Variants in ARHGAP22 observed in about 807,000 individuals in gnomAD.
ARHGAP22 encodes Rho GTPase activating protein 22, also known as rho GTPase-activating protein 22.
A neutral mutation model predicts 59.1 loss-of-function variants in ARHGAP22; 48 were observed. The observed-to-expected ratio is 0.81, with a 90% CI of 0.64 to 1.03. ARHGAP22 has a LOEUF of 1.03. Among genes scored for constraint, ARHGAP22 ranks in the 50% least tolerant of loss-of-function variants. The probability of loss-of-function intolerance (pLI) is 0.00; values close to 1 mark genes in which losing one functional copy is unlikely to be tolerated. For synonymous variants in ARHGAP22, 445 were observed against 416.4 expected (o/e 1.07, Z -0.84); for missense variants, 1,015 against 958.7 (o/e 1.06, Z -0.78).
intron 1 of ARHGAP22, among the ~76,000 whole-genome samples, chr10:48,583,998 TC>T (rs2059275085): frequency 6.6e-6 from 1 of 151,580 alleles, no homozygotes; most frequent in Non-Finnish European, 1.5e-5. Context: ...CCCTACTCCT[TC>T]CCCTTCTGTC....
chr10:48,442,168 A>G (rs952580531), downstream of ARHGAP22, among the ~76,000 whole-genome samples: 3 of 152,196 alleles, frequency 2.0e-5, no homozygotes, highest in Non-Finnish European at 4.4e-5. Flanking sequence ...AAATACCCAC[A>G]TAGCATCCTG....
chr10:48,454,225 G>A (rs1352891741), intron 6 of ARHGAP22, 64 bp from the exon 7 acceptor site: 26 of 1,442,710 alleles, frequency 1.8e-5, no homozygotes, highest in African/African-American at 8.4e-5. Context: ...CTCTGACTGC[G>A]AGGAGGGGTG....
intron 3 of ARHGAP22, among the ~76,000 whole-genome samples, chr10:48,506,153 C>G (rs1383944173): frequency 1.3e-5 from 2 of 152,194 alleles, no homozygotes; most frequent in African/African-American, 2.4e-5. Context: ...CTTTTTCACT[C>G]AAGTTCTTTA....
intron 1 of ARHGAP22, among the ~76,000 whole-genome samples, chr10:48,639,660 T>G (rs1415102935): frequency 6.6e-6 from 1 of 152,252 alleles, no homozygotes; most frequent in Non-Finnish European, 1.5e-5. Context: ...GGCTATGTTC[T>G]GTGAGGGAGA....
chr10:48,477,998 ATAGAT>A (rs2048904923), intron 4 of ARHGAP22, among the ~76,000 whole-genome samples: 2 of 152,154 alleles, frequency 1.3e-5, no homozygotes, highest in African/African-American at 4.8e-5. Context: ...CAATTTCATA[ATAGAT>A]TAGTGTTTTT....
chr10:48,431,037 A>G, the ARHGAP22 span: 11 of 647,834 alleles, frequency 1.7e-5, no homozygotes, highest in East Asian at 2.8e-4. Context: ...ATTAATTAAC[A>G]TCCTTGAATC....
intron 9 of ARHGAP22, among the ~76,000 whole-genome samples, chr10:48,448,760 T>C (rs1311342046): frequency 6.6e-6 from 1 of 152,222 alleles, no homozygotes; most frequent in Non-Finnish European, 1.5e-5. Context: ...CAGACCACTC[T>C]GCTAGCGAGT....
intron 2 of ARHGAP22, among the ~76,000 whole-genome samples, chr10:48,556,106 G>A (rs958621046): frequency 6.6e-6 from 1 of 152,158 alleles, no homozygotes; most frequent in African/African-American, 2.4e-5. Flanking sequence ...GACAGAGGGC[G>A]GCTCCACCTG....
chr10:48,446,588 G>A lies in ARHGAP22; in HGVS notation c.1900C>T (p.Arg634Ter), dbSNP rs1347475923. 9.3e-6 allele frequency: 15 copies of A among 1,613,896 alleles called. No homozygotes were observed. The highest frequency in any genetic ancestry group is 2.2e-5 in the East Asian group (1 of 44,894). ...AGTTCTTCTTCTAACCGGGACATTC[G>A]TTTTCTCAGGTCAGCACTCCCTTCT... ...IEEGSADLRK[R>*]MSRLEEELDQ... The change falls in exon 10 of 10, where the codon CGA becomes TGA. Residue 634 changes from arginine to a stop codon, truncating the protein, a stop_gained. Transcript: ENST00000249601. LOFTEE classifies it low-confidence loss of function (END_TRUNC).
chr10:48,535,656 T>C (rs1590014162), intron 3 of ARHGAP22, among the ~76,000 whole-genome samples: 1 of 152,122 alleles, frequency 6.6e-6, no homozygotes. Context: ...AGGGGTGAGG[T>C]GCTGTAAGGG....
At chr10:48,450,223 C>T (rs768559253) in intron 9 of ARHGAP22, 38 bp downstream of exon 9, 3 of 1,595,328 alleles carry the variant, frequency 1.9e-6, no homozygotes, top group Non-Finnish European at 2.6e-6. Flanking sequence ...CTGCAGGCTC[C>T]GCCCCGTCAC....
At chr10:48,487,052 T>C (rs2049929588) in intron 3 of ARHGAP22, among the ~76,000 whole-genome samples, 1 of 152,172 alleles carries the variant, frequency 6.6e-6, no homozygotes, top group African/African-American at 2.4e-5. Context: ...TTTCCTATAC[T>C]TGGAACTCAC....
At chr10:48,650,096 G>C (rs910515593) in intron 1 of ARHGAP22, among the ~76,000 whole-genome samples, 1 of 149,742 alleles carries the variant, frequency 6.7e-6, no homozygotes, top group African/African-American at 2.5e-5. Flanking sequence ...GGTGCTAACC[G>C]AGAGACCAAG....
intron 1 of ARHGAP22, among the ~76,000 whole-genome samples, chr10:48,611,304 G>A (rs2060874842): frequency 6.6e-6 from 1 of 152,170 alleles, no homozygotes; most frequent in Admixed American, 6.5e-5. Context: ...GCTTACAGGA[G>A]TTAGAGGCTG....
In ARHGAP22 at chr10:48,459,828, G is replaced by A. The variant is rs534103925; in HGVS notation, c.515C>T (p.Ala172Val). The A allele has an allele frequency of 4.0e-5, 64 of 1,613,544 alleles. No homozygotes were observed. Among genetic ancestry groups the A allele is most frequent in the Admixed American group, 3.8e-4 (23 of 60,038 alleles). Residue 172 changes from alanine to valine, a missense_variant, in exon 5 of 10, where the codon GCG becomes GTG. By Grantham distance (64) the Ala-to-Val change is moderately conservative. Coordinates refer to ENST00000249601, the MANE Select transcript of ARHGAP22 (RefSeq NM_021226.4). ...HHERKYGPRL[A>V]PLLVEQCVDF... ...CACACACTGCTCCACCAGCAGGGGC[G>A]CCAGGCGGGGGCCATACTTCCGCTC...
chr10:48,468,876 T>C (rs534260245), intron 4 of ARHGAP22, among the ~76,000 whole-genome samples: 3 of 152,048 alleles, frequency 2.0e-5, no homozygotes, highest in Admixed American at 1.3e-4. Flanking sequence ...CAGGTGAACA[T>C]GAGGGTGCCA....
intron 3 of ARHGAP22, among the ~76,000 whole-genome samples, chr10:48,487,010 T>C (rs779323577): frequency 1.3e-5 from 2 of 152,236 alleles, no homozygotes; most frequent in Non-Finnish European, 2.9e-5. Flanking sequence ...GGTAATTTGA[T>C]TATGACGTGC....
chr10:48,471,687 C>T (rs1205100338), intron 4 of ARHGAP22, among the ~76,000 whole-genome samples: 1 of 152,194 alleles, frequency 6.6e-6, no homozygotes, highest in Non-Finnish European at 1.5e-5. Context: ...CATCCACAGC[C>T]AGGAGAGCTT....
At chr10:48,474,221 T>G (rs1012980403) in intron 4 of ARHGAP22, among the ~76,000 whole-genome samples, 1 of 152,254 alleles carries the variant, frequency 6.6e-6, no homozygotes, top group Non-Finnish European at 1.5e-5. Context: ...CTCCTGTAGA[T>G]GAAATTTTCT....
Sources: allele counts gnomAD v4.1 joint callset (sites outside exome capture counted in the v4.1 genomes callset), GRCh38; gene constraint gnomAD v4.1.1; transcripts MANE v1.5; gene names NCBI Gene and HGNC (gene_info 2026-07-23, HGNC 2026-07-21).